HOXA11: variants seen among roughly 807,000 people sequenced by gnomAD.
HOXA11 encodes the protein homeobox A11.
Under a neutral mutation model 22.5 loss-of-function variants are expected in HOXA11, and 8 were observed. That is an observed-to-expected ratio of 0.36 (90% CI 0.21 to 0.64). HOXA11 has a LOEUF of 0.64. HOXA11 is among the 30% of genes least tolerant of loss of function. HOXA11 has a pLI of 0.67. For synonymous variants in HOXA11, 211 were observed against 188.4 expected, an observed-to-expected ratio of 1.12 and a Z score of -0.98; for missense variants, 388 against 429.0, an observed-to-expected ratio of 0.90 and a Z score of 0.84.
chr7:27,182,951 TGAA>T lies in HOXA11; in HGVS notation c.784_786del (p.Phe262del). 6.2e-7 allele frequency: 1 copy of T among 1,614,172 alleles called. No individual in the cohort carries two copies. The highest frequency in any genetic ancestry group is 2.2e-5 in the East Asian group (1 of 44,874). On this transcript the variant is annotated inframe_deletion, in exon 2 of 2. Coordinates refer to ENST00000006015, the MANE Select transcript of HOXA11 (RefSeq NM_005523.6). ...CGCTTCTCTTTGTTAATGTAGACGC[TGAA>T]GAAGAACTCCCGTTCCAGCTCTCGG...
chr7:27,184,445 C>A lies in HOXA11; in HGVS notation c.700G>T (p.Gly234Cys). ...SSSGHTEDKA[G>C]GSSGQRTRKK... Reference sequence around the variant, plus strand: ...CTGCCTTTATACGTACTGGAGCCGCCGGCCTTGTCCTCAGTGTGGCCGGAA... The same window carrying A: ...CTGCCTTTATACGTACTGGAGCCGCAGGCCTTGTCCTCAGTGTGGCCGGAA... Residue 234 changes from glycine to cysteine, a missense_variant, in exon 1 of 2, where the codon GGC becomes TGC. Gly to Cys is a radical substitution (Grantham distance 159, BLOSUM62 -3). Transcript: ENST00000006015. 1 of 1,572,344 alleles carries A rather than the reference C, an allele frequency of 6.4e-7. No homozygotes were observed. Among genetic ancestry groups the A allele is most frequent in the Non-Finnish European group, 8.6e-7 (1 of 1,159,324 alleles).
rs1164098658 is a variant in HOXA11, at chr7:27,184,614, C to CGCT, written c.530_531insAGC (p.Ala183dup). 6.6e-7 allele frequency: 1 copy of CGCT among 1,520,862 alleles called. No individual in the cohort carries two copies. The allele number at this position is 1,520,862 out of a possible 1,614,324, so 94.2% of individuals were successfully genotyped here. ...CGCCCGTTGCAGCCGCCGCCGCCGC[C>CGCT]GCGGAGGTCGCCGTGGCCGCCGGGG... On this transcript the variant is annotated inframe_insertion, in exon 1 of 2. Transcript: ENST00000006015.
chr7:27,182,742 T>C lies in HOXA11; in HGVS notation c.*54A>G. 8.7e-7 allele frequency: 1 copy of C among 1,149,720 alleles called. No homozygotes were observed. The highest frequency in any genetic ancestry group is 2.3e-5 in the East Asian group (1 of 42,848). 71.2% of individuals were successfully genotyped at this position (1,149,720 alleles called of 1,614,324 possible). ...GCTTGACTTTGTCAAGGGCAAAATC[T>C]GCATATTATCTCATGTGTATGAAGC... is the stretch of plus-strand genomic sequence containing the variant. On this transcript the variant is annotated 3_prime_UTR_variant, in exon 2 of 2. Transcript: ENST00000006015.
Position 27,184,815 on chromosome 7 carries a change from G to T in HOXA11, c.330C>A (p.Ser110Arg). Residue 110 changes from serine to arginine, a missense_variant, in exon 1 of 2, where the codon AGC becomes AGA. By Grantham distance (110) the Ser-to-Arg change is moderately radical (BLOSUM62 -1). Transcript: ENST00000006015. ...AGVPGDVLAK[S>R]SANVYHHPTP... ...TGGGGTGGTGGTAGACGTTGGCCGA[G>T]CTCTTGGCCAGCACGTCGCCAGGCA... 6.2e-7 allele frequency: 1 copy of T among 1,613,742 alleles called. No individual in the cohort carries two copies. The highest frequency in any genetic ancestry group is 8.5e-7 in the Non-Finnish European group (1 of 1,179,784).
In HOXA11 at chr7:27,182,177, G is replaced by C. The variant is rs1783781383; in HGVS notation, c.*619C>G. 8.2e-6 allele frequency: 2 copies of C among 243,158 alleles called. No individual in the cohort carries two copies. The highest frequency in any genetic ancestry group is 3.0e-4 in the South Asian group (2 of 6,646). 15.1% of individuals were successfully genotyped at this position (243,158 alleles called of 1,614,324 possible). On this transcript the variant is annotated 3_prime_UTR_variant, in exon 2 of 2. Coordinates refer to ENST00000006015, the MANE Select transcript of HOXA11 (RefSeq NM_005523.6). The stretch of plus-strand genomic sequence containing the variant: ...TGGCTAGGAACTCAGGGCTGGATCA[G>C]TGTGGTGGGTGGCTAGGAGGAGTGG...
In HOXA11 at chr7:27,183,837, G is replaced by A. The variant is rs533626872; in HGVS notation, c.709+599C>T. Among the ~76,000 whole-genome samples the A allele has an allele frequency of 1.7e-4, 26 of 150,002 alleles. No individual in the cohort carries two copies. The East Asian group carries it at 4.9e-3, about 28-fold the overall frequency. ...GAATAACAATTGTGAATAACATGCA[G>A]TTGGGCAGAAGGAGGCACGTAATTG... On this transcript the variant is annotated intron_variant, in intron 1 of 1. Coordinates refer to ENST00000006015, the MANE Select transcript of HOXA11 (RefSeq NM_005523.6).
chr7:27,182,384 G>A lies in HOXA11; in HGVS notation c.*412C>T, dbSNP rs978434901. On this transcript the variant is annotated 3_prime_UTR_variant, in exon 2 of 2. Coordinates refer to ENST00000006015, the MANE Select transcript of HOXA11 (RefSeq NM_005523.6). ...TGCCCCTGTCCCCAAGCTGAACTGGGCTTGGAGAGCACACAGCTTTTTTAC... is the reference window on the plus strand; with the variant it reads ...TGCCCCTGTCCCCAAGCTGAACTGGACTTGGAGAGCACACAGCTTTTTTAC... 5 of 385,730 alleles carry A rather than the reference G, an allele frequency of 1.3e-5. No individual in the cohort carries two copies. The highest frequency in any genetic ancestry group is 1.0e-4 in the African/African-American group (5 of 49,972). 23.9% of individuals were successfully genotyped at this position (385,730 alleles called of 1,614,324 possible).
chr7:27,183,881 A>G (rs1220834541), intron 1 of HOXA11, among the ~76,000 whole-genome samples: 1 of 152,090 alleles, frequency 6.6e-6, no homozygotes, highest in African/African-American at 2.4e-5. Flanking sequence ...CCAGAGGAAA[A>G]TGGCTTCCTT....
Position 27,182,118 on chromosome 7 carries a change from T to TAAA in HOXA11, c.*677_*678insTTT. The TAAA allele has an allele frequency of 1.3e-5, 3 of 236,730 alleles. No homozygotes were observed. The highest frequency in any genetic ancestry group is 3.4e-4 in the South Asian group (2 of 5,804). The allele number at this position is 236,730 out of a possible 1,614,324, so 14.7% of individuals were successfully genotyped here. A position where few individuals can be genotyped will look rare whatever the true frequency, so the allele number is the denominator to read the frequency against. On this transcript the variant is annotated 3_prime_UTR_variant, in exon 2 of 2. Transcript: ENST00000006015. ...GGCTGGAACCAAGACCCTCATTTGG[T>TAAA]AGAAAGAAAAGCCAGGTGGGCTGTA...
Position 27,185,184 on chromosome 7 carries a change from A to G in HOXA11, c.-40T>C. ...GGGCTCTCCGCAGTAGCCGAGCTTA[A>G]CATGATTCTCCACTGCAGCTGCCTC... On this transcript the variant is annotated 5_prime_UTR_variant, in exon 1 of 2. Coordinates refer to ENST00000006015, the MANE Select transcript of HOXA11 (RefSeq NM_005523.6). 1 of 1,613,068 alleles carries G rather than the reference A, an allele frequency of 6.2e-7. No homozygotes were observed. The highest frequency in any genetic ancestry group is 1.3e-5 in the African/African-American group (1 of 75,038).
Position 27,184,779 on chromosome 7 carries a change from G to C in HOXA11, c.366C>G (p.Val122=), listed in dbSNP as rs778031419. The C allele has an allele frequency of 1.2e-5, 19 of 1,613,846 alleles. No homozygotes were observed. The highest frequency in any genetic ancestry group is 1.5e-5 in the Non-Finnish European group (18 of 1,179,964). ...ANVYHHPTPA[V]SSNFYSTVGR... The stretch of plus-strand genomic sequence containing the variant: ...CCACGGTGCTATAGAAATTGGACGA[G>C]ACTGCGGGGGTGGGGTGGTGGTAGA... The change falls in exon 1 of 2, where the codon GTC becomes GTG. Residue 122 remains valine (V), a synonymous_variant. Transcript: ENST00000006015.
chr7:27,183,573 T>G (rs1783802463), intron 1 of HOXA11, among the ~76,000 whole-genome samples: 1 of 152,092 alleles, frequency 6.6e-6, no homozygotes, highest in Admixed American at 6.5e-5. Context: ...CGGCCAGCCT[T>G]CCGGCTCCGC....
rs1783845138 is a variant in HOXA11 at position 27,185,201 on chromosome 7, A to G, written c.-57T>C. The G allele has an allele frequency of 1.2e-6, 2 of 1,611,680 alleles. No individual in the cohort carries two copies. Among genetic ancestry groups the G allele is most frequent in the African/African-American group, 2.7e-5 (2 of 74,896 alleles). Reference sequence around the variant, plus strand: ...CGAGCTTAACATGATTCTCCACTGCAGCTGCCTCTTTGAAGCGGATCCGTG... The same window carrying G: ...CGAGCTTAACATGATTCTCCACTGCGGCTGCCTCTTTGAAGCGGATCCGTG... On this transcript the variant is annotated 5_prime_UTR_variant, in exon 1 of 2. Coordinates refer to ENST00000006015, the MANE Select transcript of HOXA11 (RefSeq NM_005523.6).
intron 1 of HOXA11, among the ~76,000 whole-genome samples, chr7:27,183,747 TAAAAAAAAAAAAA>T (rs61633228): frequency 5.6e-5 from 3 of 53,610 alleles, no homozygotes; most frequent in South Asian, 9.2e-4. Context: ...GCTCCCCCTT[TAAAAAAAAAAAAA>T]AAAAAAAAAA....
At position 27,184,696 on chromosome 7, in the gene HOXA11, G is replaced by T; in HGVS notation, c.449C>A (p.Thr150Asn). 2 of 1,613,532 alleles carry T rather than the reference G, an allele frequency of 1.2e-6. No individual in the cohort carries two copies. Among genetic ancestry groups the T allele is most frequent in the Non-Finnish European group, 1.7e-6 (2 of 1,179,924 alleles). Residue 150 changes from threonine to asparagine, a missense_variant, in exon 1 of 2, where the codon ACC (threonine) becomes AAC (asparagine). By Grantham distance (65) the Thr-to-Asn change is moderately conservative (BLOSUM62 0). Around this residue, in one of 4 missense-constraint regions of HOXA11, gnomAD observed 295 missense variants for 281.1 expected, o/e 1.05. Coordinates refer to ENST00000006015, the MANE Select transcript of HOXA11 (RefSeq NM_005523.6). ...FDQFFETAYG[T>N]PENLASSDYP... is the part of the protein sequence containing the mutation. Reference sequence around the variant, plus strand: ...GTCGGAGGAGGCGAGGTTTTCCGGGGTGCCGTAGGCTGTCTCGAAAAACTG... The same window carrying T: ...GTCGGAGGAGGCGAGGTTTTCCGGGTTGCCGTAGGCTGTCTCGAAAAACTG...
At position 27,184,626 on chromosome 7, in the gene HOXA11, C is replaced by A. The variant is rs562527955; in HGVS notation, c.519G>T (p.Thr173=). 55 of 1,545,720 alleles carry A rather than the reference C, an allele frequency of 3.6e-5. 1 individual carries two copies. The South Asian group carries it at 6.4e-4, about 18-fold the overall frequency. Reference sequence around the variant, plus strand: ...CCGCCGCCGCCGCCGCGGAGGTCGCCGTGGCCGCCGGGGGCCCCTTCTCGG... The same window carrying A: ...CCGCCGCCGCCGCCGCGGAGGTCGCAGTGGCCGCCGGGGGCCCCTTCTCGG... ...KSAEKGPPAA[T]ATSAAAAAAA... is the part of the protein sequence containing the mutation. Residue 173 remains threonine (T), a synonymous_variant, in exon 1 of 2, where the codon ACG becomes ACT. Coordinates refer to ENST00000006015, the MANE Select transcript of HOXA11 (RefSeq NM_005523.6).
Position 27,184,772 on chromosome 7 carries a change from T to G in HOXA11, c.373A>C (p.Asn125His), listed in dbSNP as rs759995027. 16 of 1,613,720 alleles carry G rather than the reference T, an allele frequency of 9.9e-6. No homozygotes were observed. In the Admixed American group the frequency reaches 1.3e-4, roughly 13 times the overall value. ...TTCCTGCCCACGGTGCTATAGAAAT[T>G]GGACGAGACTGCGGGGGTGGGGTGG... The part of the protein sequence containing the change: ...YHHPTPAVSS[N>H]FYSTVGRNGV... Residue 125 changes from asparagine to histidine, a missense_variant, in exon 1 of 2, where the codon AAT becomes CAT. Asn to His is a moderately conservative substitution (Grantham distance 68, BLOSUM62 1). Coordinates refer to ENST00000006015, the MANE Select transcript of HOXA11 (RefSeq NM_005523.6).
At position 27,184,508 on chromosome 7, in the gene HOXA11, G is replaced by A. The variant is rs1749519595; in HGVS notation, c.637C>T (p.Arg213Trp). 1.3e-6 allele frequency: 2 copies of A among 1,532,972 alleles called. No homozygotes were observed. Among genetic ancestry groups the A allele is most frequent in the South Asian group, 1.2e-5 (1 of 82,642 alleles). The allele number at this position is 1,532,972 out of a possible 1,614,324, so 95.0% of individuals were successfully genotyped here. Residue 213 changes from arginine to tryptophan, a missense_variant, in exon 1 of 2, where the codon CGG becomes TGG. Coordinates refer to ENST00000006015, the MANE Select transcript of HOXA11 (RefSeq NM_005523.6). ...TAAAAEEKER[R>W]RRPESSSSPE... is the part of the protein sequence containing the mutation. ...CTGCTGCTGCTCTCGGGGCGCCGCC[G>A]CCGCTCTTTCTCCTCTGCTGCCGCC...
rs1783777130 is a variant in HOXA11, at chr7:27,182,021, C to T, written c.*775G>A. On this transcript the variant is annotated 3_prime_UTR_variant, in exon 2 of 2. Transcript: ENST00000006015. ...CAGGGGCCAGTGGCCTGGCTGCAGCCTCTTGGCTTTTCCACATCTCCCACC... is the reference window on the plus strand; with the variant it reads ...CAGGGGCCAGTGGCCTGGCTGCAGCTTCTTGGCTTTTCCACATCTCCCACC... 2 of 232,186 alleles carry T rather than the reference C, an allele frequency of 8.6e-6. No homozygotes were observed. 14.4% of individuals were successfully genotyped at this position (232,186 alleles called of 1,614,324 possible). A position where few individuals can be genotyped will look rare whatever the true frequency, so the allele number is the denominator to read the frequency against.
Sources: allele counts gnomAD v4.1 joint callset (sites outside exome capture counted in the v4.1 genomes callset), GRCh38; gene constraint gnomAD v4.1.1; regional missense constraint gnomAD v4.1.1; transcripts MANE v1.5; gene names NCBI Gene and HGNC (gene_info 2026-07-23, HGNC 2026-07-21).